The following VPS50 variants were observed in gnomAD, a reference collection of about 807,000 sequenced individuals.
The protein encoded by VPS50 is VPS50 subunit of EARP/GARPII complex, also known as syndetin.
A neutral mutation model predicts 139.7 loss-of-function variants in VPS50; 70 were observed. The observed-to-expected ratio is 0.50, with a 90% CI of 0.41 to 0.61. The LOEUF (loss-of-function observed/expected upper bound fraction) is 0.61, where lower values mean the gene tolerates loss of function less well. Ranked by LOEUF, VPS50 falls within the 20% of genes least tolerant of loss-of-function variation. The pLI is 0.00. For missense variants in VPS50, 921 were observed against 1,133.7 expected (o/e 0.81, Z 2.69); for synonymous variants, 365 against 376.7 (o/e 0.97, Z 0.36).
chr7:93,288,921 C>G (rs769665929), intron 12 of VPS50, among the ~76,000 whole-genome samples: 1 of 152,042 alleles, frequency 6.6e-6, no homozygotes, highest in African/African-American at 2.4e-5. Context: ...TACCCTCTCA[C>G]AGAGACTGGG....
chr7:93,353,520 T>C, intron 25 of VPS50, 120 bp from the exon 26 acceptor site: 1 of 1,115,568 alleles, frequency 9.0e-7, no homozygotes, highest in Non-Finnish European at 1.3e-6. Context: ...ATTATCTTTT[T>C]TGATTTTACT....
chr7:93,279,516 G>A (rs181786032), intron 12 of VPS50, among the ~76,000 whole-genome samples: 2 of 152,320 alleles, frequency 1.3e-5, no homozygotes, highest in Non-Finnish European at 2.9e-5. Context: ...GTATTAGAAT[G>A]TAAGCTGCTT....
At chr7:93,306,872 T>C (rs1797131493) in intron 18 of VPS50, among the ~76,000 whole-genome samples, 2 of 151,932 alleles carry the variant, frequency 1.3e-5, no homozygotes, top group Non-Finnish European at 2.9e-5. Flanking sequence ...TTAGAATTTA[T>C]TTTTCATTTG....
chr7:93,341,784 G>A lies in VPS50; in HGVS notation c.2207+209G>A, dbSNP rs901033057. Reference sequence around the variant, plus strand: ...TTTCAGTTATAGAAATGGAAAGAAGGAAATCTTTTAATTTTCAGCCTTTAA... The same window carrying A: ...TTTCAGTTATAGAAATGGAAAGAAGAAAATCTTTTAATTTTCAGCCTTTAA... On this transcript the variant is annotated intron_variant, in intron 23 of 27. Transcript: ENST00000305866. Among the ~76,000 whole-genome samples the A allele has an allele frequency of 8.5e-5, 13 of 152,274 alleles. No individual in the cohort carries two copies. In the East Asian group the frequency reaches 2.5e-3, roughly 29 times the overall value.
At position 93,360,253 on chromosome 7, in the gene VPS50, G is replaced by A. The variant is rs1268473339; in HGVS notation, c.*1817G>A. On this transcript the variant is annotated 3_prime_UTR_variant, in exon 28 of 28. Transcript: ENST00000305866. ...GGAATCACCTGCCTGGTAGAGCCCAGTGTTTTCCAAGGTAATAGGAATTGA... is the reference window on the plus strand; with the variant it reads ...GGAATCACCTGCCTGGTAGAGCCCAATGTTTTCCAAGGTAATAGGAATTGA... 6.6e-6 allele frequency: 1 copy of A among 152,062 alleles called. No individual in the cohort carries two copies. Among genetic ancestry groups the A allele is most frequent in the Non-Finnish European group, 1.5e-5 (1 of 68,000 alleles). 9.4% of individuals were successfully genotyped at this position (152,062 alleles called of 1,614,324 possible). A position where few individuals can be genotyped will look rare whatever the true frequency, so the allele number is the denominator to read the frequency against.
chr7:93,334,102 CT>C lies in VPS50; in HGVS notation c.1978-10del. On this transcript the variant is annotated splice_polypyrimidine_tract_variant and intron_variant, in intron 21 of 27. Transcript: ENST00000305866. ...TGATCTTTAGAACGATATAACAAGCCTTTTTCTTTTTCAGTTGGAATCAACT... is the reference window on the plus strand; with the variant it reads ...TGATCTTTAGAACGATATAACAAGCCTTTTCTTTTTCAGTTGGAATCAACT... 4.1e-6 allele frequency: 6 copies of C among 1,454,096 alleles called. No homozygotes were observed. Among genetic ancestry groups the C allele is most frequent in the South Asian group, 1.2e-5 (1 of 84,580 alleles). 90.1% of individuals were successfully genotyped at this position (1,454,096 alleles called of 1,614,324 possible).
intron 23 of VPS50, among the ~76,000 whole-genome samples, chr7:93,342,652 A>C (rs1304419740): frequency 6.6e-6 from 1 of 152,212 alleles, no homozygotes; most frequent in Non-Finnish European, 1.5e-5. Flanking sequence ...GACTGCCTCA[A>C]GTGGGTCCCT....
chr7:93,341,804 C>A (rs1798219587), intron 23 of VPS50, among the ~76,000 whole-genome samples: 1 of 152,138 alleles, frequency 6.6e-6, no homozygotes, highest in African/African-American at 2.4e-5. Flanking sequence ...AATTTTCAGC[C>A]TTTAACAACA....
At position 93,308,916 on chromosome 7, in the gene VPS50, G is replaced by A; in HGVS notation, c.1722G>A (p.Glu574=). ...PEELKRDYVD[E]QTGDGPVKSV... is the part of the protein sequence containing the mutation. ...AACTCAAACGAGACTATGTGGATGA[G>A]CAGACAGGAGATGGTCCTGTGAAAA... is the stretch of plus-strand genomic sequence containing the variant. Residue 574 remains glutamate, a synonymous_variant, in exon 19 of 28, where the codon GAG becomes GAA. Coordinates refer to ENST00000305866, the MANE Select transcript of VPS50 (RefSeq NM_017667.4). 1 of 1,593,024 alleles carries A rather than the reference G, an allele frequency of 6.3e-7. No individual in the cohort carries two copies. The highest frequency in any genetic ancestry group is 8.6e-7 in the Non-Finnish European group (1 of 1,161,618).
chr7:93,332,650 C>T lies in VPS50; in HGVS notation c.1978-1467C>T, dbSNP rs10241086. Among the ~76,000 whole-genome samples, 899 of 152,138 alleles carry T rather than the reference C, an allele frequency of 5.9e-3. 11 individuals carry two copies. The highest frequency in any genetic ancestry group is 0.021 in the African/African-American group (867 of 41,502). On this transcript the variant is annotated intron_variant, in intron 21 of 27. Coordinates refer to ENST00000305866, the MANE Select transcript of VPS50 (RefSeq NM_017667.4). The stretch of plus-strand genomic sequence containing the variant: ...AGATAAGTGAAAATAATATATGTCC[C>T]GACAAGGACACACACATGAATGTTC...
chr7:93,321,641 G>A (rs929718256), intron 20 of VPS50, among the ~76,000 whole-genome samples: 1 of 152,150 alleles, frequency 6.6e-6, no homozygotes, highest in Non-Finnish European at 1.5e-5. Context: ...TTTCAAGGTG[G>A]TGAGGAACAG....
intron 9 of VPS50, among the ~76,000 whole-genome samples, chr7:93,262,048 C>A (rs1442109435): frequency 7.9e-5 from 12 of 151,992 alleles, no homozygotes; most frequent in Admixed American, 7.9e-4. Flanking sequence ...GAAGAGGAAA[C>A]CTCAATATTG....
intron 23 of VPS50, among the ~76,000 whole-genome samples, chr7:93,342,045 C>T (rs1216183896): frequency 2.0e-5 from 3 of 152,184 alleles, no homozygotes; most frequent in Non-Finnish European, 4.4e-5. Context: ...CGGGTGATTT[C>T]TGCATTTCCA....
Position 93,308,864 on chromosome 7 carries a change from A to G in VPS50, c.1670A>G (p.Tyr557Cys), listed in dbSNP as rs1562879672. 2.5e-6 allele frequency: 4 copies of G among 1,607,438 alleles called. No homozygotes were observed. In the East Asian group the frequency reaches 6.7e-5, roughly 27 times the overall value. ...DEQEKSAYQE[Y>C]DSDSDVPEEL... Reference sequence around the variant, plus strand: ...CAAGAAAAGAGTGCCTATCAAGAGTATGACAGTGACAGTGATGTTCCTGAG... The same window carrying G: ...CAAGAAAAGAGTGCCTATCAAGAGTGTGACAGTGACAGTGATGTTCCTGAG... The change falls in exon 19 of 28, where the codon TAT becomes TGT. Residue 557 changes from tyrosine (Y) to cysteine (C), a missense_variant. Around this residue, in one of 3 missense-constraint regions of VPS50, gnomAD observed 744 missense variants for 930.6 expected, o/e 0.80. Transcript: ENST00000305866.
intron 21 of VPS50, 116 bp downstream of exon 21, chr7:93,323,848 C>T (rs890305418): frequency 1.8e-5 from 8 of 443,576 alleles, no homozygotes; most frequent in Non-Finnish European, 2.6e-5. Flanking sequence ...GGGGATTATG[C>T]ATCAAAAACA....
In VPS50 at chr7:93,287,008, TTA is replaced by T. The variant is rs1491192438; in HGVS notation, c.943-4694_943-4693del. The stretch of plus-strand genomic sequence containing the variant: ...TGAAAACGTTGTTTTTTTTTTTTTT[TTA>T]AAAAAAAAACTACCCCACCTTGCCT... On this transcript the variant is annotated intron_variant, in intron 12 of 27. Transcript: ENST00000305866. Among the ~76,000 whole-genome samples the T allele has an allele frequency of 2.2e-3, 309 of 139,754 alleles. 2 individuals are homozygous for T. The highest frequency in any genetic ancestry group is 7.5e-3 in the African/African-American group (247 of 32,908). The allele number at this position is 139,754 out of a possible 152,430, so 91.7% of individuals were successfully genotyped here. A position where few individuals can be genotyped will look rare whatever the true frequency, so the allele number is the denominator to read the frequency against.
At chr7:93,240,512 T>C (rs1794957882) in intron 2 of VPS50, among the ~76,000 whole-genome samples, 1 of 152,160 alleles carries the variant, frequency 6.6e-6, no homozygotes, top group South Asian at 2.1e-4. Flanking sequence ...AAATTTTATA[T>C]AGGTTATTTG....
intron 11 of VPS50, chr7:93,275,892 AAAGAGC>A (rs749710522): frequency 8.3e-6 from 3 of 360,168 alleles, no homozygotes; most frequent in Non-Finnish European, 1.5e-5. Context: ...CATATTTAAG[AAAGAGC>A]AAGATGAATA....
At chr7:93,232,648 G>T in intron 1 of VPS50, 148 bp downstream of exon 1, 1 of 713,088 alleles carries the variant, frequency 1.4e-6, no homozygotes, top group Non-Finnish European at 2.4e-6. Context: ...GCATACCCTA[G>T]AAAACTCACC....
Sources: gnomAD v4.1 joint callset for allele counts (sites outside exome capture counted in the v4.1 genomes callset) on GRCh38, gnomAD v4.1.1 for gene constraint, gnomAD v4.1.1 regional missense constraint, MANE v1.5 for transcripts, NCBI Gene and HGNC (gene_info 2026-07-23, HGNC 2026-07-21) for gene names.